The following CFAP46 variants were observed in gnomAD, a reference collection of about 807,000 sequenced individuals.
CFAP46 encodes cilia and flagella associated protein 46, also known as cilia- and flagella-associated protein 46.
CFAP46 carries 245 observed loss-of-function variants against 325.7 expected under a neutral mutation model. The ratio of observed to expected loss-of-function variants is 0.75; its 90% CI spans 0.68 to 0.84. The LOEUF (loss-of-function observed/expected upper bound fraction) is 0.84, where lower values mean the gene tolerates loss of function less well. Among genes scored for constraint, CFAP46 ranks in the 40% least tolerant of loss-of-function variants. CFAP46 has a pLI of 0.00. For synonymous variants in CFAP46, 1,523 were observed against 1,495.9 expected (o/e 1.02, Z -0.42); for missense variants, 3,346 against 3,543.0 (o/e 0.94, Z 1.41).
rs553288583 is a variant in CFAP46 at position 132,942,013 on chromosome 10, G to C, written c.141C>G (p.Asp47Glu). Residue 47 changes from aspartate (D) to glutamate (E), a missense_variant, in exon 2 of 58, where the codon GAC becomes GAG. Asp to Glu is a conservative substitution (Grantham distance 45, BLOSUM62 2). Coordinates refer to ENST00000368586, the MANE Select transcript of CFAP46 (RefSeq NM_001200049.3). The stretch of plus-strand genomic sequence containing the variant: ...CCTGCTCTGCACACAGAACAAACAG[G>C]TCTGGGCTGAAGCTCTCTGAGGGGT... ...EFDPSESFSPDLFVLCAEQAL... is the reference protein window; with the variant it reads ...EFDPSESFSPELFVLCAEQAL... 35 of 1,551,912 alleles carry C rather than the reference G, an allele frequency of 2.3e-5. No homozygotes were observed. In the East Asian group the frequency reaches 8.3e-4, roughly 37 times the overall value.
chr10:132,828,024 G>GC lies in CFAP46; in HGVS notation c.7117+5333dup, dbSNP rs1848088401. 6.6e-6 allele frequency among the ~76,000 whole-genome samples: 1 copy of GC among 151,818 alleles called. No individual in the cohort carries two copies. Among genetic ancestry groups the GC allele is most frequent in the South Asian group, 2.1e-4 (1 of 4,826 alleles). On this transcript the variant is annotated intron_variant, in intron 50 of 57. Coordinates refer to ENST00000368586, the MANE Select transcript of CFAP46 (RefSeq NM_001200049.3). The surrounding 1 kb of genome is among the most constrained non-coding windows in gnomAD (Gnocchi z 4.9). The stretch of plus-strand genomic sequence containing the variant: ...ACGCTGTCCCACGCACCAACAGCTC[G>GC]CCCCTCATTGCCGGGCAGGACCCCA...
In CFAP46 at chr10:132,884,640, C is replaced by A. The variant is rs145776344; in HGVS notation, c.3627+463G>T. 1.5e-4 allele frequency among the ~76,000 whole-genome samples: 23 copies of A among 152,290 alleles called. No homozygotes were observed. The highest frequency in any genetic ancestry group is 2.4e-5 in the African/African-American group (1 of 41,572). On this transcript the variant is annotated intron_variant, in intron 27 of 57. Transcript: ENST00000368586. The surrounding 1 kb of genome is among the most constrained non-coding windows in gnomAD (Gnocchi z 5.4). Reference sequence around the variant, plus strand: ...CCCACCCCAAGGGGAACGTCCATCTCGCCTTCCTGGGGGTGGGGAAGAGAC... The same window carrying A: ...CCCACCCCAAGGGGAACGTCCATCTAGCCTTCCTGGGGGTGGGGAAGAGAC...
rs759507871 is a variant in CFAP46, at chr10:132,834,070, T to A, written c.6920A>T (p.Lys2307Met). The A allele has an allele frequency of 6.2e-7, 1 of 1,613,946 alleles. No homozygotes were observed. Among genetic ancestry groups the A allele is most frequent in the African/African-American group, 1.3e-5 (1 of 74,938 alleles). Reference sequence around the variant, plus strand: ...TTGTCCTGTGGACGTTTTCCTCTCCTTGTCTTTGCCCTTCGACTTCCCTGA... The same window carrying A: ...TTGTCCTGTGGACGTTTTCCTCTCCATGTCTTTGCCCTTCGACTTCCCTGA... Reference protein sequence around the residue: ...ADSGKSKGKDKERKTSTGQHS... With the variant: ...ADSGKSKGKDMERKTSTGQHS... The change falls in exon 49 of 58, where the codon AAG becomes ATG. Residue 2307 changes from lysine (K) to methionine (M), a missense_variant. By Grantham distance (95) the Lys-to-Met change is moderately conservative (BLOSUM62 -1). Coordinates refer to ENST00000368586, the MANE Select transcript of CFAP46 (RefSeq NM_001200049.3).
At chr10:132,831,100 G>C (rs1848139686) in intron 50 of CFAP46, among the ~76,000 whole-genome samples, 1 of 152,084 alleles carries the variant, frequency 6.6e-6, no homozygotes, top group Non-Finnish European at 1.5e-5. Context: ...CATGGTTTCT[G>C]TTATTAAGTT....
rs1395809901 is a variant in CFAP46 at position 132,920,153 on chromosome 10, T to A, written c.1636A>T (p.Thr546Ser). ...TGCCACGCCTTCGCACAGAGGTAGG[T>A]GAACCGGCCCCTGTTCTTCCCGGTG... ...VSTGKNRGRF[T>S]YLCAKAWHHT... is the part of the protein sequence containing the mutation. The change falls in exon 14 of 58, where the codon ACC (threonine) becomes TCC (serine). Residue 546 changes from threonine (T) to serine (S), a missense_variant. Thr to Ser is a moderately conservative substitution (Grantham distance 58). Coordinates refer to ENST00000368586, the MANE Select transcript of CFAP46 (RefSeq NM_001200049.3). 4 of 1,547,128 alleles carry A rather than the reference T, an allele frequency of 2.6e-6. No individual in the cohort carries two copies. The African/African-American group carries it at 5.5e-5, about 21-fold the overall frequency.
chr10:132,824,201 T>C (rs1433021425), intron 50 of CFAP46, among the ~76,000 whole-genome samples: 10 of 140,184 alleles, frequency 7.1e-5, no homozygotes, highest in Non-Finnish European at 1.5e-4. Context: ...GTGTGAGTGC[T>C]GATGTGTGCT....
chr10:132,941,862 T>C (rs1850108228), intron 2 of CFAP46, 118 bp downstream of exon 2: 1 of 1,512,046 alleles, frequency 6.6e-7, no homozygotes, highest in Admixed American at 2.1e-5. Context: ...TCCTGGCCCC[T>C]TGACTGCCCG....
At chr10:132,845,984 C>T in intron 44 of CFAP46, 73 bp downstream of exon 44, 1 of 1,488,802 alleles carries the variant, frequency 6.7e-7, no homozygotes, top group Non-Finnish European at 9.0e-7. Context: ...AGGCGTGGGA[C>T]TGTGCGGCTG....
chr10:132,915,616 C>T (rs1242167923), intron 17 of CFAP46, among the ~76,000 whole-genome samples: 1 of 150,850 alleles, frequency 6.6e-6, no homozygotes, highest in Non-Finnish European at 1.5e-5. Flanking sequence ...CCAGCTTCTG[C>T]CCCGAGGGAC....
chr10:132,850,107 A>G (rs1825418998), intron 41 of CFAP46, 137 bp downstream of exon 41: 5 of 872,650 alleles, frequency 5.7e-6, no homozygotes, highest in Admixed American at 5.0e-5. Context: ...TTCTTCCCTC[A>G]CGCCTACTTC....
intron 19 of CFAP46, among the ~76,000 whole-genome samples, chr10:132,910,374 C>A (rs975678406): frequency 6.6e-6 from 1 of 152,236 alleles, no homozygotes; most frequent in Admixed American, 6.5e-5. Context: ...ACCCCTCCCC[C>A]ACTGCAGCTG....
At position 132,836,893 on chromosome 10, in the gene CFAP46, T is replaced by G; in HGVS notation, c.6460A>C (p.Thr2154Pro). 6.2e-7 allele frequency: 1 copy of G among 1,613,898 alleles called. No individual in the cohort carries two copies. Among genetic ancestry groups the G allele is most frequent in the Non-Finnish European group, 8.5e-7 (1 of 1,179,982 alleles). ...VSKAWQNLCV[T>P]EQHFNLLNEM... is the part of the protein sequence containing the mutation. ...TTCAAGAGGTTAAAATGCTGCTCAG[T>G]GACGCAGAGATTTTGCCAAGCCTGT... The change falls in exon 45 of 58, where the codon ACT becomes CCT. Residue 2154 changes from threonine to proline, a missense_variant. Coordinates refer to ENST00000368586, the MANE Select transcript of CFAP46 (RefSeq NM_001200049.3).
At chr10:132,866,741 G>T (rs1439974572) in intron 34 of CFAP46, among the ~76,000 whole-genome samples, 2 of 152,228 alleles carry the variant, frequency 1.3e-5, no homozygotes, top group African/African-American at 4.8e-5. Flanking sequence ...GTCCTGTCCT[G>T]ACTGCCAGGT....
chr10:132,834,411 C>T (rs1848203176), intron 48 of CFAP46, among the ~76,000 whole-genome samples: 1 of 152,174 alleles, frequency 6.6e-6, no homozygotes, highest in Non-Finnish European at 1.5e-5. Flanking sequence ...GCTTGCCCTC[C>T]CACCCCACAC....
chr10:132,897,001 A>G (rs1335925643), intron 24 of CFAP46, among the ~76,000 whole-genome samples: 5 of 152,260 alleles, frequency 3.3e-5, no homozygotes, highest in Admixed American at 6.5e-5. Context: ...TGCCAAGACC[A>G]TTCACTAGGG....
In CFAP46 at chr10:132,908,589, C is replaced by T; in HGVS notation, c.2803G>A (p.Glu935Lys). Residue 935 changes from glutamate (E) to lysine (K), a missense_variant, in exon 22 of 58, where the codon GAG becomes AAG. Physicochemically the swap from Glu to Lys is moderately conservative, Grantham distance 56. Coordinates refer to ENST00000368586, the MANE Select transcript of CFAP46 (RefSeq NM_001200049.3). ...GTCAGCCGCGTCAGGGTCTGCAGCT[C>T]CACCAGGGGGTCCGACCAGTTGCAC... ...SECNWSDPLVELQTLTRLTHF... is the reference protein window; with the variant it reads ...SECNWSDPLVKLQTLTRLTHF... 6.5e-7 allele frequency: 1 copy of T among 1,549,442 alleles called. No individual in the cohort carries two copies. The highest frequency in any genetic ancestry group is 1.2e-5 in the South Asian group (1 of 83,906).
At chr10:132,917,849 G>A (rs767378518) in intron 16 of CFAP46, among the ~76,000 whole-genome samples, 8 of 152,160 alleles carry the variant, frequency 5.3e-5, no homozygotes, top group Admixed American at 1.3e-4. Context: ...ACCCTCTGAC[G>A]CTGTGGTGCA....
At chr10:132,862,968 C>G (rs185925231) in intron 35 of CFAP46, among the ~76,000 whole-genome samples, 1 of 152,008 alleles carries the variant, frequency 6.6e-6, no homozygotes, top group Non-Finnish European at 1.5e-5. Context: ...GGCAAGAGGG[C>G]GGGAAAGATC....
rs542390065 is a variant in CFAP46 at position 132,885,633 on chromosome 10, TG to T, written c.3443+187del. ...GCAGCAGGCAGGTGCTCACAGGTGA[TG>T]GGGGGAGCACACTCCGGTGGGGGAG... is the stretch of plus-strand genomic sequence containing the variant. On this transcript the variant is annotated intron_variant, in intron 26 of 57. Transcript: ENST00000368586. 2.2e-3 allele frequency among the ~76,000 whole-genome samples: 50 copies of T among 23,240 alleles called. 1 individual carries two copies. The highest frequency in any genetic ancestry group is 6.6e-3 in the African/African-American group (37 of 5,620). The allele number at this position is 23,240 out of a possible 152,430, so 15.2% of individuals were successfully genotyped here.
Sources: allele counts gnomAD v4.1 joint callset (sites outside exome capture counted in the v4.1 genomes callset), GRCh38; gene constraint gnomAD v4.1.1; non-coding constraint Gnocchi (gnomAD v3.1); transcripts MANE v1.5; gene names NCBI Gene and HGNC (gene_info 2026-07-23, HGNC 2026-07-21).